The following KATNB1 variants were observed in gnomAD, a reference collection of about 807,000 sequenced individuals.
The protein encoded by KATNB1 is katanin regulatory subunit B1.
KATNB1 carries 38 observed loss-of-function variants against 82.3 expected under a neutral mutation model. The observed-to-expected ratio is 0.46, with a 90% CI of 0.36 to 0.61. KATNB1 has a LOEUF of 0.61. KATNB1 is among the 20% of genes least tolerant of loss of function. The probability of loss-of-function intolerance (pLI) is 0.00; values close to 1 mark genes in which losing one functional copy is unlikely to be tolerated. For synonymous variants in KATNB1, 361 were observed against 368.7 expected (o/e 0.98, Z 0.24); for missense variants, 749 against 915.7 (o/e 0.82, Z 2.35).
At chr16:57,740,939 C>A (rs1555579241) in intron 2 of KATNB1, among the ~76,000 whole-genome samples, 2 of 152,274 alleles carry the variant, frequency 1.3e-5, no homozygotes, top group Non-Finnish European at 2.9e-5. Flanking sequence ...TGCTACTAAG[C>A]AGCACGTAGG....
At chr16:57,744,140 C>T (rs552761765) in intron 3 of KATNB1, among the ~76,000 whole-genome samples, 63 of 152,352 alleles carry the variant, frequency 4.1e-4, no homozygotes, top group Non-Finnish European at 7.1e-4. Flanking sequence ...ACGCCCATGT[C>T]AGAAGCACAG....
chr16:57,741,130 T>C (rs1479123874), intron 2 of KATNB1, among the ~76,000 whole-genome samples: 1 of 152,218 alleles, frequency 6.6e-6, no homozygotes, highest in Admixed American at 6.5e-5. Flanking sequence ...CGAAGCCCTG[T>C]GCAGGCTTAC....
rs147460464 is a variant in KATNB1 at position 57,753,151 on chromosome 16, G to A, written c.930G>A (p.Thr310=). Residue 310 remains threonine, a synonymous_variant, in exon 11 of 20, where the codon ACG becomes ACA. Transcript: ENST00000379661. ...VDLTRVTRTG[T]VARDPVQDHR... ...TGACGCGTGTCACCAGGACTGGCAC[G>A]GTGGCCCGGGACCCTGTGCAGGACC... 4.8e-5 allele frequency: 77 copies of A among 1,611,262 alleles called. No individual in the cohort carries two copies. The Middle Eastern group carries it at 8.3e-4, about 17-fold the overall frequency.
At chr16:57,744,861 G>T (rs2049172122) in intron 4 of KATNB1, among the ~76,000 whole-genome samples, 1 of 152,156 alleles carries the variant, frequency 6.6e-6, no homozygotes, top group African/African-American at 2.4e-5. Flanking sequence ...ATGAATGAGT[G>T]AGGTGGCTGC....
intron 4 of KATNB1, among the ~76,000 whole-genome samples, chr16:57,746,537 G>T (rs1597826331): frequency 6.6e-6 from 1 of 152,196 alleles, no homozygotes; most frequent in Non-Finnish European, 1.5e-5. Context: ...GGAGAGTCTC[G>T]CCCACTGCTC....
chr16:57,754,293 G>A (rs1214914502), intron 13 of KATNB1, among the ~76,000 whole-genome samples: 1 of 152,166 alleles, frequency 6.6e-6, no homozygotes, highest in Non-Finnish European at 1.5e-5. Context: ...AGTCACTGGG[G>A]GCCCACCTTA....
intron 15 of KATNB1, 25 bp from the exon 16 acceptor site, chr16:57,755,320 G>C: frequency 6.2e-7 from 1 of 1,612,236 alleles, no homozygotes; most frequent in Non-Finnish European, 8.5e-7. Context: ...TCCCATGCCA[G>C]CATCTGGGTG....
At chr16:57,745,604 C>T (rs984713694) in intron 4 of KATNB1, among the ~76,000 whole-genome samples, 5 of 151,938 alleles carry the variant, frequency 3.3e-5, no homozygotes, top group African/African-American at 1.2e-4. Flanking sequence ...TATTCTCTTC[C>T]TACTGTAAAG....
At chr16:57,742,893 T>C (rs776179795) in intron 3 of KATNB1, among the ~76,000 whole-genome samples, 9 of 152,234 alleles carry the variant, frequency 5.9e-5, no homozygotes, top group Non-Finnish European at 1.3e-4. Flanking sequence ...GAAATCATTT[T>C]ACATTCTCAC....
Position 57,753,446 on chromosome 16 carries a change from C to A in KATNB1, c.1104C>A (p.Asp368Glu). The A allele has an allele frequency of 1.2e-6, 2 of 1,612,998 alleles. No individual in the cohort carries two copies. The highest frequency in any genetic ancestry group is 1.7e-6 in the Non-Finnish European group (2 of 1,179,870). ...GCCCCAGCAGCGAGGATGACCGGGA[C>A]GAGCGCGAGTCCCGCGCGGAGATCC... ...RRSPSSEDDR[D>E]ERESRAEIQN... The change falls in exon 12 of 20, where the codon GAC (aspartate) becomes GAA (glutamate). Residue 368 changes from aspartate (D) to glutamate (E), a missense_variant. Asp to Glu is a conservative substitution (Grantham distance 45). Around this residue, in one of 3 missense-constraint regions of KATNB1, gnomAD observed 407 missense variants for 434.7 expected, o/e 0.94. Transcript: ENST00000379661.
At chr16:57,754,794 C>T (rs2049261925) in intron 13 of KATNB1, 136 bp from the exon 14 acceptor site, 2 of 894,072 alleles carry the variant, frequency 2.2e-6, no homozygotes, top group Admixed American at 3.6e-5. Flanking sequence ...AACCCCCACG[C>T]CACTGGCCTG....
At chr16:57,754,586 G>C (rs1043459337) in intron 13 of KATNB1, among the ~76,000 whole-genome samples, 1 of 152,152 alleles carries the variant, frequency 6.6e-6, no homozygotes, top group African/African-American at 2.4e-5. Flanking sequence ...CTCAGGGACC[G>C]TCCTTGCCGT....
chr16:57,739,456 G>A lies in KATNB1; in HGVS notation c.40+2173G>A, dbSNP rs1358257730. On this transcript the variant is annotated intron_variant, in intron 2 of 19. Transcript: ENST00000379661. Reference sequence around the variant, plus strand: ...TGTTCCCCAGCTTTGGCTGGATGTGGGGCCCAGGTTGTACTCCCAGAGCTT... The same window carrying A: ...TGTTCCCCAGCTTTGGCTGGATGTGAGGCCCAGGTTGTACTCCCAGAGCTT... Among the ~76,000 whole-genome samples, 2 of 152,230 alleles carry A rather than the reference G, an allele frequency of 1.3e-5. 1 individual carries two copies. The highest frequency in any genetic ancestry group is 4.8e-5 in the African/African-American group (2 of 41,462).
chr16:57,742,405 G>A (rs181570940), intron 3 of KATNB1, among the ~76,000 whole-genome samples: 227 of 152,334 alleles, frequency 1.5e-3, no homozygotes, highest in Non-Finnish European at 2.4e-3. Context: ...ATATAGTTCC[G>A]TTATCCAAAG....
At chr16:57,755,738 C>A in intron 16 of KATNB1, 103 bp from the exon 17 acceptor site, 2 of 1,128,236 alleles carry the variant, frequency 1.8e-6, no homozygotes, top group Non-Finnish European at 2.5e-6. Context: ...ATACCCACAG[C>A]CCCATCAGCA....
chr16:57,752,476 G>A (rs2049236229), intron 8 of KATNB1, 54 bp from the exon 9 acceptor site: 1 of 1,485,338 alleles, frequency 6.7e-7, no homozygotes, highest in South Asian at 1.2e-5. Context: ...CCAGGGACAT[G>A]TGGAGGCCAG....
chr16:57,753,586 A>AG, intron 12 of KATNB1, 67 bp downstream of exon 12: 1 of 1,583,704 alleles, frequency 6.3e-7, no homozygotes, highest in Non-Finnish European at 8.6e-7. Context: ...GGGTCCTTCC[A>AG]GGGTAGCCTG....
In KATNB1 at chr16:57,752,807, G is replaced by T; in HGVS notation, c.734G>T (p.Cys245Phe). 1 of 1,611,162 alleles carries T rather than the reference G, an allele frequency of 6.2e-7. No homozygotes were observed. The stretch of plus-strand genomic sequence containing the variant: ...GTCCTCTTCAACCCAGACGGCTGCT[G>T]CCTGTACAGCGGCTGCCAGGACTCA... Reference protein sequence around the residue: ...RSVLFNPDGCCLYSGCQDSLR... With the variant: ...RSVLFNPDGCFLYSGCQDSLR... The change falls in exon 10 of 20, where the codon TGC becomes TTC. Residue 245 changes from cysteine (C) to phenylalanine (F), a missense_variant. Transcript: ENST00000379661.
rs1167777378 is a variant in KATNB1 at position 57,743,050 on chromosome 16, TG to T, written c.171+1236del. Among the ~76,000 whole-genome samples the T allele has an allele frequency of 4.6e-5, 7 of 152,320 alleles. No homozygotes were observed. The East Asian group carries it at 1.4e-3, about 29-fold the overall frequency. ...GCTCACGCCTGTAATCCCAGCACTT[TG>T]GGAAGCTGAGGCGGGTGGATCACCT... On this transcript the variant is annotated intron_variant, in intron 3 of 19. Transcript: ENST00000379661.
Sources: gnomAD v4.1 joint callset for allele counts (sites outside exome capture counted in the v4.1 genomes callset) on GRCh38, gnomAD v4.1.1 for gene constraint, gnomAD v4.1.1 regional missense constraint, MANE v1.5 for transcripts, NCBI Gene and HGNC (gene_info 2026-07-23, HGNC 2026-07-21) for gene names.